Variants in ATRNL1 observed in about 807,000 individuals in gnomAD.
ATRNL1 encodes attractin like 1, also known as attractin-like protein 1.
A neutral mutation model predicts 182.7 loss-of-function variants in ATRNL1; 95 were observed. The observed-to-expected ratio is 0.52, with a 90% confidence interval of 0.44 to 0.62. The LOEUF is 0.62. ATRNL1 is among the 20% of genes least tolerant of loss of function. The pLI, the probability that ATRNL1 is intolerant of heterozygous loss-of-function variation, is 0.00. For missense variants in ATRNL1, 1,471 were observed against 1,679.5 expected (o/e 0.88, Z 2.17); for synonymous variants, 576 against 568.3 (o/e 1.01, Z -0.19).
intron 10 of ATRNL1, among the ~76,000 whole-genome samples, chr10:115,249,289 T>C (rs1396030147): frequency 1.3e-5 from 2 of 152,126 alleles, no homozygotes; most frequent in Non-Finnish European, 2.9e-5. Context: ...CCACCGTGCC[T>C]GGCCAAAAGA....
chr10:115,877,934 G>A (rs1397188441), intron 28 of ATRNL1, among the ~76,000 whole-genome samples: 2 of 152,172 alleles, frequency 1.3e-5, no homozygotes, highest in African/African-American at 4.8e-5. Flanking sequence ...GTCTTGTGTG[G>A]GATTCAGACA....
chr10:115,303,781 T>A, intron 17 of ATRNL1, among the ~76,000 whole-genome samples: 1 of 152,166 alleles, frequency 6.6e-6, no homozygotes, highest in Non-Finnish European at 1.5e-5. Flanking sequence ...GTTGGTGTGT[T>A]TGATCCAGGT....
chr10:115,353,117 T>G (rs1169067484), intron 19 of ATRNL1, among the ~76,000 whole-genome samples: 1 of 152,184 alleles, frequency 6.6e-6, no homozygotes, highest in African/African-American at 2.4e-5. Context: ...TAATGGTGCA[T>G]TGTTGATTTT....
At chr10:115,699,912 T>G (rs1946679120) in intron 26 of ATRNL1, among the ~76,000 whole-genome samples, 1 of 152,144 alleles carries the variant, frequency 6.6e-6, no homozygotes, top group Admixed American at 6.6e-5. Flanking sequence ...AGTGTTTAAC[T>G]CCCACTTTTA....
intron 28 of ATRNL1, among the ~76,000 whole-genome samples, chr10:115,918,303 A>G (rs1189487955): frequency 6.6e-6 from 1 of 152,050 alleles, no homozygotes; most frequent in African/African-American, 2.4e-5. Flanking sequence ...GGGTTTCACC[A>G]TGTTGGCCGG....
At chr10:115,172,113 G>A (rs1360123100) in intron 8 of ATRNL1, among the ~76,000 whole-genome samples, 2 of 152,012 alleles carry the variant, frequency 1.3e-5, no homozygotes, top group African/African-American at 4.8e-5. Context: ...GAGAGTACTT[G>A]TATGCTCAGA....
intron 28 of ATRNL1, among the ~76,000 whole-genome samples, chr10:115,907,940 A>T (rs1439034477): frequency 6.6e-6 from 1 of 152,192 alleles, no homozygotes; most frequent in Non-Finnish European, 1.5e-5. Flanking sequence ...AAGAAAGCAT[A>T]CACCGTCTTA....
At chr10:115,156,580 C>T (rs567998571) in intron 5 of ATRNL1, among the ~76,000 whole-genome samples, 2 of 152,072 alleles carry the variant, frequency 1.3e-5, no homozygotes, top group Non-Finnish European at 2.9e-5. Context: ...CTCAGCAGCC[C>T]GACACTAATG....
At chr10:115,589,242 C>T (rs1190058689) in intron 26 of ATRNL1, among the ~76,000 whole-genome samples, 1 of 151,918 alleles carries the variant, frequency 6.6e-6, no homozygotes, top group Non-Finnish European at 1.5e-5. Context: ...GCCAGTAATT[C>T]CAGAGAATTA....
intron 19 of ATRNL1, among the ~76,000 whole-genome samples, chr10:115,344,470 G>T (rs1174861164): frequency 1.3e-5 from 2 of 151,972 alleles, no homozygotes; most frequent in Non-Finnish European, 2.9e-5. Context: ...AAGGCCTAAG[G>T]GCTCTTAAGT....
chr10:115,888,512 A>T (rs1952006076), intron 28 of ATRNL1, among the ~76,000 whole-genome samples: 1 of 152,078 alleles, frequency 6.6e-6, no homozygotes, highest in Non-Finnish European at 1.5e-5. Flanking sequence ...CTCCACTGTC[A>T]CTTAAATAAA....
At chr10:115,780,058 A>G (rs1949224881) in intron 27 of ATRNL1, among the ~76,000 whole-genome samples, 2 of 152,214 alleles carry the variant, frequency 1.3e-5, no homozygotes, top group South Asian at 4.1e-4. Flanking sequence ...GGCACTGAAG[A>G]GAGTAGGAAA....
At chr10:115,940,839 G>A (rs1316459513) in intron 28 of ATRNL1, among the ~76,000 whole-genome samples, 1 of 151,954 alleles carries the variant, frequency 6.6e-6, no homozygotes, top group Admixed American at 6.6e-5. Flanking sequence ...ATGTTTTTAA[G>A]GTTCACCTTA....
chr10:115,439,556 A>T (rs1019921152), intron 21 of ATRNL1, among the ~76,000 whole-genome samples: 1 of 151,978 alleles, frequency 6.6e-6, no homozygotes, highest in Non-Finnish European at 1.5e-5. Context: ...TTATGTATTG[A>T]TACTCTGTGT....
At chr10:115,686,083 TTAA>T in intron 26 of ATRNL1, among the ~76,000 whole-genome samples, 1 of 151,846 alleles carries the variant, frequency 6.6e-6, no homozygotes, top group East Asian at 1.9e-4. Context: ...TATTAATTTA[TTAA>T]TTATTTATCC....
intron 21 of ATRNL1, among the ~76,000 whole-genome samples, chr10:115,444,485 G>C (rs1846859289): frequency 6.6e-6 from 1 of 151,900 alleles, no homozygotes; most frequent in Admixed American, 6.6e-5. Context: ...TTGGTAAACT[G>C]ATTCTAGGCA....
intron 24 of ATRNL1, among the ~76,000 whole-genome samples, chr10:115,504,266 T>C (rs1554980745): frequency 6.6e-6 from 1 of 152,068 alleles, no homozygotes; most frequent in Non-Finnish European, 1.5e-5. Flanking sequence ...AAAAAAGATT[T>C]GATCTAACTG....
At chr10:115,826,215 ATC>A (rs1950428434) in intron 27 of ATRNL1, among the ~76,000 whole-genome samples, 1 of 151,228 alleles carries the variant, frequency 6.6e-6, no homozygotes, top group Non-Finnish European at 1.5e-5. Context: ...TTTTTTTCAA[ATC>A]TGTTTCCCTC....
chr10:115,864,266 C>T (rs1200633858), intron 28 of ATRNL1, among the ~76,000 whole-genome samples: 16 of 127,058 alleles, frequency 1.3e-4, no homozygotes, highest in African/African-American at 4.8e-4. Flanking sequence ...GACCCAGTGT[C>T]ACAAGAAAAA....
Sources: gnomAD v4.1 joint callset for allele counts (sites outside exome capture counted in the v4.1 genomes callset) on GRCh38, gnomAD v4.1.1 for gene constraint, MANE v1.5 for transcripts, NCBI Gene and HGNC (gene_info 2026-07-23, HGNC 2026-07-21) for gene names.